The following ERAS variants were observed in gnomAD, a reference collection of about 807,000 sequenced individuals.
ERAS encodes the protein ES cell expressed Ras, also known as GTPase ERas.
For synonymous variants in ERAS, 87 were observed against 89.1 expected (o/e 0.98, Z 0.13); for missense variants, 137 against 199.2 (o/e 0.69, Z 1.88).
rs2063159075 is a variant in ERAS at position 48,826,557 on chromosome X, A to G, written c.-44+8A>G. The G allele has an allele frequency of 9.1e-6, 1 of 110,163 alleles. No homozygotes were observed. The highest frequency in any genetic ancestry group is 4.1e-4 in the South Asian group (1 of 2,448). The allele number at this position is 110,163 out of a possible 1,213,427, so 9.1% of individuals were successfully genotyped here. On this transcript the variant is annotated splice_region_variant and intron_variant, in intron 1 of 1. Transcript: ENST00000636362. ...GCCTCCCCACGGACACAGGTGAGCG[A>G]GGCGCCGGTGCCCCTGGCCCTGCCA...
At chrX:48,828,982 A>G in intron 1 of ERAS, 99 bp from the exon 2 acceptor site, 1 of 436,911 alleles carries the variant, frequency 2.3e-6, no homozygotes, top group Non-Finnish European at 3.8e-6. Flanking sequence ...TAGGCATTCA[A>G]TAAATGTTGA....
At chrX:48,827,384 C>T (rs1278303222) in intron 1 of ERAS, among the ~76,000 whole-genome samples, 4 of 111,528 alleles carry the variant, frequency 3.6e-5, no homozygotes, top group Non-Finnish European at 5.7e-5. Flanking sequence ...CCCCTCCCCG[C>T]AGTCCTCCAG....
At position 48,829,614 on chromosome X, in the gene ERAS, C is replaced by A; in HGVS notation, c.491C>A (p.Ala164Asp). Residue 164 changes from alanine to aspartate, a missense_variant, in exon 2 of 2, where the codon GCC becomes GAC. Ala to Asp is a moderately radical substitution (Grantham distance 126). Coordinates refer to ENST00000636362, the MANE Select transcript of ERAS (RefSeq NM_181532.3). ...GTGACCACTGCTGGAGATGCTCATG[C>A]CGCTGCTGCAGCCCTCGCACACAGC... ...DLVTTAGDAH[A>D]AAAALAHSWG... 8.3e-7 allele frequency: 1 copy of A among 1,209,170 alleles called. No homozygotes were observed.
At chrX:48,828,276 G>C (rs1396400369) in intron 1 of ERAS, among the ~76,000 whole-genome samples, 1 of 110,901 alleles carries the variant, frequency 9.0e-6, no homozygotes, top group Non-Finnish European at 1.9e-5. Context: ...TGATCCACCC[G>C]ACTCGGCCTC....
At position 48,829,633 on chromosome X, in the gene ERAS, A is replaced by G; in HGVS notation, c.510A>G (p.Ala170=). 1 of 1,210,494 alleles carries G rather than the reference A, an allele frequency of 8.3e-7. No individual in the cohort carries two copies. The highest frequency in any genetic ancestry group is 1.1e-6 in the Non-Finnish European group (1 of 894,612). Reference sequence around the variant, plus strand: ...CTCATGCCGCTGCTGCAGCCCTCGCACACAGCTGGGGGGCCCACTTCGTGG... The same window carrying G: ...CTCATGCCGCTGCTGCAGCCCTCGCGCACAGCTGGGGGGCCCACTTCGTGG... ...GDAHAAAAAL[A]HSWGAHFVET... The change falls in exon 2 of 2, where the codon GCA becomes GCG. Residue 170 remains alanine (A), a synonymous_variant. Transcript: ENST00000636362.
Position 48,829,804 on chromosome X carries a change from C to T in ERAS, c.681C>T (p.His227=). Residue 227 remains histidine (H), a synonymous_variant, in exon 2 of 2, where the codon CAC becomes CAT. Coordinates refer to ENST00000636362, the MANE Select transcript of ERAS (RefSeq NM_181532.3). ...CCCGGCACCAGAAGGCCACCTGCCA[C>T]TGTGGCTGCTCTGTGGCCTGAAGGT... ...EKTRHQKATC[H]CGCSVA 1.7e-6 allele frequency: 2 copies of T among 1,161,909 alleles called. No homozygotes were observed. Among genetic ancestry groups the T allele is most frequent in the Non-Finnish European group, 2.3e-6 (2 of 868,266 alleles).
chrX:48,829,384 G>T lies in ERAS; in HGVS notation c.261G>T (p.Gly87=), dbSNP rs185237959. The stretch of plus-strand genomic sequence containing the variant: ...GGAAGGAGTTGACCCTGGACAGTGG[G>T]GACTGCATTCTGAATGTGCTGGACA... ...SYWKELTLDS[G]DCILNVLDTA... is the part of the protein sequence containing the mutation. Residue 87 remains glycine, a synonymous_variant, in exon 2 of 2, where the codon GGG becomes GGT. Coordinates refer to ENST00000636362, the MANE Select transcript of ERAS (RefSeq NM_181532.3). The T allele has an allele frequency of 6.6e-6, 8 of 1,209,161 alleles. No homozygotes were observed. The African/African-American group carries it at 8.7e-5, about 13-fold the overall frequency.
rs1195321453 is a variant in ERAS at position 48,829,215 on chromosome X, G to A, written c.92G>A (p.Arg31His). ...FQGETHRAQA[R>H]RRDVGRQLPE... The stretch of plus-strand genomic sequence containing the variant: ...GGGGAAACCCACCGGGCTCAGGCAC[G>A]CCGCAGGGATGTTGGCAGGCAGCTG... The change falls in exon 2 of 2, where the codon CGC (arginine) becomes CAC (histidine). Residue 31 changes from arginine to histidine, a missense_variant. Physicochemically the swap from Arg to His is conservative, Grantham distance 29 (BLOSUM62 0). Transcript: ENST00000636362. 4.2e-6 allele frequency: 5 copies of A among 1,180,853 alleles called. No homozygotes were observed. The highest frequency in any genetic ancestry group is 3.5e-5 in the African/African-American group (2 of 57,033).
At chrX:48,827,701 A>G in intron 1 of ERAS, among the ~76,000 whole-genome samples, 1 of 111,888 alleles carries the variant, frequency 8.9e-6, no homozygotes, top group Non-Finnish European at 1.9e-5. Context: ...TCCTGAGCCC[A>G]AGGACACCGA....
In ERAS at chrX:48,829,743, C is replaced by T. The variant is rs782775783; in HGVS notation, c.620C>T (p.Ala207Val). Reference sequence around the variant, plus strand: ...ATCCAGAGGGTCCAGGAGGCCATGGCGAAGGAGCCCATGGCAAGGTCCTGT... The same window carrying T: ...ATCCAGAGGGTCCAGGAGGCCATGGTGAAGGAGCCCATGGCAAGGTCCTGT... ...HEIQRVQEAM[A>V]KEPMARSCRE... The change falls in exon 2 of 2, where the codon GCG becomes GTG. Residue 207 changes from alanine (A) to valine (V), a missense_variant. By Grantham distance (64) the Ala-to-Val change is moderately conservative. Transcript: ENST00000636362. 4.2e-6 allele frequency: 5 copies of T among 1,201,949 alleles called. No homozygotes were observed. In the South Asian group the frequency reaches 9.0e-5, roughly 22 times the overall value.
intron 1 of ERAS, among the ~76,000 whole-genome samples, chrX:48,828,162 G>T (rs916649382): frequency 4.6e-5 from 5 of 109,298 alleles, no homozygotes; most frequent in African/African-American, 1.0e-4. Context: ...GAGTAGCTGG[G>T]ATTACAGGCG....
At chrX:48,828,809 T>C in intron 1 of ERAS, 1 of 223,537 alleles carries the variant, frequency 4.5e-6, no homozygotes, top group Non-Finnish European at 8.1e-6. Flanking sequence ...CTGAACTTGA[T>C]GGGATGTAAA....
chrX:48,826,823 C>T (rs1174514205), intron 1 of ERAS, among the ~76,000 whole-genome samples: 2 of 112,372 alleles, frequency 1.8e-5, no homozygotes, highest in African/African-American at 6.5e-5. Context: ...CTTTGCACCT[C>T]ACCCGGCCTC....
intron 1 of ERAS, 196 bp from the exon 2 acceptor site, chrX:48,828,885 A>C: frequency 3.5e-6 from 1 of 284,270 alleles, no homozygotes; most frequent in Non-Finnish European, 6.2e-6. Context: ...TGAGGAGGGA[A>C]GGAGAGATGG....
At chrX:48,827,030 G>T (rs1242982878) in intron 1 of ERAS, among the ~76,000 whole-genome samples, 3 of 112,417 alleles carry the variant, frequency 2.7e-5, no homozygotes, top group Admixed American at 9.2e-5. Context: ...CGCGGGCTGA[G>T]GCCCCGGGCC....
chrX:48,828,578 G>A (rs1201072158), intron 1 of ERAS, among the ~76,000 whole-genome samples: 1 of 111,783 alleles, frequency 8.9e-6, no homozygotes, highest in Non-Finnish European at 1.9e-5. Flanking sequence ...TTCTGGGGGT[G>A]GGAATGTTGG....
At chrX:48,828,531 A>G (rs781949371) in intron 1 of ERAS, among the ~76,000 whole-genome samples, 2 of 111,852 alleles carry the variant, frequency 1.8e-5, no homozygotes, top group African/African-American at 6.5e-5. Context: ...TATTTGGTTT[A>G]TTATATTATC....
intron 1 of ERAS, among the ~76,000 whole-genome samples, chrX:48,827,846 A>G (rs1439098039): frequency 9.0e-6 from 1 of 111,143 alleles, no homozygotes; most frequent in East Asian, 2.8e-4. Flanking sequence ...CTCTGCCAGA[A>G]TCCAATCCTC....
chrX:48,829,501 G>A lies in ERAS; in HGVS notation c.378G>A (p.Ser126=), dbSNP rs1557033024. ...VLGVFALDDP[S]SLIQLQQIWA... The stretch of plus-strand genomic sequence containing the variant: ...GCGTCTTCGCTCTCGATGACCCCTC[G>A]TCTCTGATCCAGCTGCAGCAGATAT... Residue 126 remains serine, a synonymous_variant, in exon 2 of 2, where the codon TCG becomes TCA. Transcript: ENST00000636362. The A allele has an allele frequency of 3.3e-6, 4 of 1,212,164 alleles. No individual in the cohort carries two copies. Among genetic ancestry groups the A allele is most frequent in the Admixed American group, 4.3e-5 (2 of 46,121 alleles).
Sources: gnomAD v4.1 joint callset for allele counts (sites outside exome capture counted in the v4.1 genomes callset) on GRCh38, gnomAD v4.1.1 for gene constraint, MANE v1.5 for transcripts, NCBI Gene and HGNC (gene_info 2026-07-23, HGNC 2026-07-21) for gene names.